PPP6C: variants seen among roughly 807,000 people sequenced by gnomAD.
The protein encoded by PPP6C is protein phosphatase 6 catalytic subunit, also known as serine/threonine-protein phosphatase 6 catalytic subunit.
Under a neutral mutation model 39.8 loss-of-function variants are expected in PPP6C, and 11 were observed. The observed-to-expected ratio is 0.28, with a 90% CI of 0.17 to 0.46. PPP6C has a LOEUF of 0.46. Ranked by LOEUF, PPP6C falls within the 20% of genes least tolerant of loss-of-function variation. PPP6C has a pLI of 1.00. For missense variants in PPP6C, 211 were observed against 373.9 expected (o/e 0.56, Z 3.59); for synonymous variants, 129 against 130.3 (o/e 0.99, Z 0.07).
intron 1 of PPP6C, among the ~76,000 whole-genome samples, chr9:125,175,353 C>T (rs993636360): frequency 1.3e-5 from 2 of 151,578 alleles, no homozygotes; most frequent in Non-Finnish European, 2.9e-5. Context: ...AAATTACCTA[C>T]GCCGGCCGGG....
intron 4 of PPP6C, among the ~76,000 whole-genome samples, chr9:125,157,697 T>TG (rs34972368): frequency 2.3e-4 from 1 of 4,436 alleles, no homozygotes; most frequent in South Asian, 4.8e-3. Flanking sequence ...TTTTTTTTGG[T>TG]TTTTTTTTTT....
chr9:125,184,966 C>CAAAAA lies in PPP6C; in HGVS notation c.75+4673_75+4677dup, dbSNP rs34609209. 1.4e-3 allele frequency among the ~76,000 whole-genome samples: 96 copies of CAAAAA among 70,022 alleles called. 2 individuals are homozygous for CAAAAA. The highest frequency in any genetic ancestry group is 5.0e-3 in the African/African-American group (88 of 17,674). 45.9% of individuals were successfully genotyped at this position (70,022 alleles called of 152,430 possible). A position where few individuals can be genotyped will look rare whatever the true frequency, so the allele number is the denominator to read the frequency against. Reference sequence around the variant, plus strand: ...TGGGCAATAGAGTTAGATTCAGTCTCAAAAAAAAAAAAAAAAAAAAAACCT... The same window carrying CAAAAA: ...TGGGCAATAGAGTTAGATTCAGTCTCAAAAAAAAAAAAAAAAAAAAAAAAAAACCT... On this transcript the variant is annotated intron_variant, in intron 1 of 6. Transcript: ENST00000373547.
rs748497442 is a variant in PPP6C, at chr9:125,149,871, C to G, written c.720G>C (p.Val240=). 6 of 1,614,074 alleles carry G rather than the reference C, an allele frequency of 3.7e-6. No individual in the cohort carries two copies. The highest frequency in any genetic ancestry group is 5.1e-6 in the Non-Finnish European group (6 of 1,180,010). ...LKLICRAHQL[V]HEGYKFMFDE... ...CAAACATAAATTTATAGCCTTCGTG[C>G]ACTAGTTGATGTGCTCTGCAGATGA... Residue 240 remains valine, a synonymous_variant, in exon 7 of 7, where the codon GTG becomes GTC. Coordinates refer to ENST00000373547, the MANE Select transcript of PPP6C (RefSeq NM_002721.5).
chr9:125,169,114 G>A (rs1829088028), intron 2 of PPP6C, among the ~76,000 whole-genome samples: 1 of 152,116 alleles, frequency 6.6e-6, no homozygotes, highest in Non-Finnish European at 1.5e-5. Context: ...GTTTGGTGGT[G>A]GTCTTAAAAT....
chr9:125,188,487 A>C (rs1270885663), intron 1 of PPP6C, among the ~76,000 whole-genome samples: 1 of 151,984 alleles, frequency 6.6e-6, no homozygotes, highest in East Asian at 1.9e-4. Flanking sequence ...AACACTTTTC[A>C]AAGAAGCAGT....
At position 125,160,910 on chromosome 9, in the gene PPP6C, T is replaced by C. The variant is rs777048726; in HGVS notation, c.172-4A>G. On this transcript the variant is annotated splice_region_variant and splice_polypyrimidine_tract_variant and intron_variant, in intron 2 of 6. Coordinates refer to ENST00000373547, the MANE Select transcript of PPP6C (RefSeq NM_002721.5). ...ACAGTTCACAAAGGTCATAAAACTATAAAAGAAATGCAATACATGCTGATT... is the reference window on the plus strand; with the variant it reads ...ACAGTTCACAAAGGTCATAAAACTACAAAAGAAATGCAATACATGCTGATT... 1.9e-6 allele frequency: 3 copies of C among 1,564,402 alleles called. 1 individual carries two copies. In the Admixed American group the frequency reaches 6.1e-5, roughly 32 times the overall value.
chr9:125,171,476 C>CATATATAT (rs1171225348), intron 1 of PPP6C, among the ~76,000 whole-genome samples: 161 of 57,100 alleles, frequency 2.8e-3, no homozygotes, highest in Non-Finnish European at 3.5e-3. Flanking sequence ...CACACACACA[C>CATATATAT]ACATATATAT....
chr9:125,172,188 T>A (rs1439158462), intron 1 of PPP6C, among the ~76,000 whole-genome samples: 1 of 152,196 alleles, frequency 6.6e-6, no homozygotes, highest in Non-Finnish European at 1.5e-5. Context: ...AAAGGTTATA[T>A]ACTGTATAAT....
At position 125,167,396 on chromosome 9, in the gene PPP6C, A is replaced by AAAAAAAAAAG. The variant is rs1355880967; in HGVS notation, c.171+3688_171+3689insCTTTTTTTTT. Among the ~76,000 whole-genome samples the AAAAAAAAAAG allele has an allele frequency of 3.4e-3, 494 of 143,488 alleles. 5 individuals are homozygous for AAAAAAAAAAG. The highest frequency in any genetic ancestry group is 0.012 in the African/African-American group (468 of 37,550). 94.1% of individuals were successfully genotyped at this position (143,488 alleles called of 152,430 possible). On this transcript the variant is annotated intron_variant, in intron 2 of 6. Transcript: ENST00000373547. ...ACCCTGTCCAAAAAAAAAAAAAAAA[A>AAAAAAAAAAG]AAAGAAATAAAAAAAAGGCCGGGCA...
intron 3 of PPP6C, among the ~76,000 whole-genome samples, chr9:125,159,036 GTTT>G (rs1176354960): frequency 2.5e-5 from 3 of 117,982 alleles, no homozygotes; most frequent in African/African-American, 3.1e-5. Flanking sequence ...TATTTTTTAA[GTTT>G]TTTTTTTTTT....
intron 4 of PPP6C, among the ~76,000 whole-genome samples, chr9:125,156,507 T>C (rs1440592860): frequency 1.3e-5 from 2 of 152,068 alleles, no homozygotes; most frequent in African/African-American, 4.8e-5. Context: ...CTCCTGACCT[T>C]GTGATCTGCC....
At chr9:125,160,474 C>A (rs904192509) in intron 3 of PPP6C, among the ~76,000 whole-genome samples, 1 of 152,172 alleles carries the variant, frequency 6.6e-6, no homozygotes, top group African/African-American at 2.4e-5. Context: ...GCAAGTCTTT[C>A]CTGTGCTGTT....
chr9:125,151,997 C>T (rs928860103), intron 6 of PPP6C, among the ~76,000 whole-genome samples: 1 of 152,090 alleles, frequency 6.6e-6, no homozygotes, highest in Non-Finnish European at 1.5e-5. Context: ...GCAGTTCTCC[C>T]CAAGGTCTAT....
chr9:125,189,612 C>A, intron 1 of PPP6C, 32 bp downstream of exon 1: 1 of 1,611,626 alleles, frequency 6.2e-7, no homozygotes, highest in Non-Finnish European at 8.5e-7. Flanking sequence ...CGCCCCACAG[C>A]CGGAAGGGGC....
intron 1 of PPP6C, chr9:125,172,022 C>T: frequency 2.2e-6 from 1 of 459,390 alleles, no homozygotes; most frequent in South Asian, 1.6e-5. Context: ...ATCAGATATC[C>T]TTCAATGAGT....
intron 1 of PPP6C, among the ~76,000 whole-genome samples, chr9:125,173,253 A>G (rs2131331603): frequency 6.6e-6 from 1 of 152,148 alleles, no homozygotes; most frequent in South Asian, 2.1e-4. Flanking sequence ...TCTATTAAAA[A>G]TACAAAAATT....
chr9:125,155,992 T>G (rs1212252690), intron 4 of PPP6C, among the ~76,000 whole-genome samples: 1 of 151,808 alleles, frequency 6.6e-6, no homozygotes, highest in African/African-American at 2.4e-5. Context: ...GTTACATATA[T>G]ATAGTAGGTG....
At chr9:125,169,552 A>G (rs897454659) in intron 2 of PPP6C, among the ~76,000 whole-genome samples, 3 of 152,056 alleles carry the variant, frequency 2.0e-5, no homozygotes, top group Admixed American at 6.6e-5. Flanking sequence ...GCTTATATTA[A>G]TATCCTTTAT....
chr9:125,172,663 T>C (rs766614468), intron 1 of PPP6C, among the ~76,000 whole-genome samples: 1 of 151,978 alleles, frequency 6.6e-6, no homozygotes, highest in East Asian at 1.9e-4. Context: ...ATTTTGACTA[T>C]AGAGTTGGAT....
Sources: allele counts gnomAD v4.1 joint callset (sites outside exome capture counted in the v4.1 genomes callset), GRCh38; gene constraint gnomAD v4.1.1; transcripts MANE v1.5; gene names NCBI Gene and HGNC (gene_info 2026-07-23, HGNC 2026-07-21).